Variants in OR10Z1 observed in about 807,000 individuals in gnomAD.
OR10Z1 encodes olfactory receptor family 10 subfamily Z member 1.
For missense variants in OR10Z1, 468 were observed against 371.0 expected, an observed-to-expected ratio of 1.26 and a Z score of -2.15; for synonymous variants, 187 against 151.2, an observed-to-expected ratio of 1.24 and a Z score of -1.74.
chr1:158,612,480 C>A lies in OR10Z1; in HGVS notation c.*5100C>A. 1 of 343,422 alleles carries A rather than the reference C, an allele frequency of 2.9e-6. No individual in the cohort carries two copies. The highest frequency in any genetic ancestry group is 5.6e-6 in the Non-Finnish European group (1 of 179,054). 21.3% of individuals were successfully genotyped at this position (343,422 alleles called of 1,614,324 possible). On this transcript the variant is annotated 3_prime_UTR_variant, in exon 2 of 2. Coordinates refer to ENST00000641002, the MANE Select transcript of OR10Z1 (RefSeq NM_001004478.2). ...TCCCCACTACACCTGAATTTAGGGA[C>A]TGTGTCTTACTAAAGTTTGCACTCC...
Position 158,607,130 on chromosome 1 carries a change from C to T in OR10Z1, c.692C>T (p.Ala231Val). 6.2e-7 allele frequency: 1 copy of T among 1,614,000 alleles called. No homozygotes were observed. Among genetic ancestry groups the T allele is most frequent in the Non-Finnish European group, 8.5e-7 (1 of 1,179,956 alleles). The change falls in exon 2 of 2, where the codon GCT (alanine) becomes GTT (valine). Residue 231 changes from alanine (A) to valine (V), a missense_variant. Ala to Val is a moderately conservative substitution (Grantham distance 64, BLOSUM62 0). Transcript: ENST00000641002. ...ILAAILRIPS[A>V]EGQKKAFSTC... ...GCAGCAATACTGAGGATCCCCTCTG[C>T]TGAGGGGCAGAAGAAGGCCTTCTCC...
chr1:158,606,195 T>C, intron 1 of OR10Z1, 131 bp from the exon 2 acceptor site: 1 of 486,282 alleles, frequency 2.1e-6, no homozygotes, highest in Non-Finnish European at 3.6e-6. Context: ...TATGAATGTC[T>C]GTGATTGTGC....
chr1:158,606,930 C>T lies in OR10Z1; in HGVS notation c.492C>T (p.Phe164=). Residue 164 remains phenylalanine, a synonymous_variant, in exon 2 of 2, where the codon TTC becomes TTT. Transcript: ENST00000641002. ...GACTGGGAATGACACTAGTTATTTT[C>T]CACCTCTCATTCTGCAGCTCCCATG... ...LFGLGMTLVI[F]HLSFCSSHEI... is the part of the protein sequence containing the mutation. The T allele has an allele frequency of 1.2e-6, 2 of 1,614,010 alleles. No individual in the cohort carries two copies. The highest frequency in any genetic ancestry group is 1.7e-5 in the Admixed American group (1 of 59,984).
rs1649080146 is a variant in OR10Z1, at chr1:158,607,179, G to T, written c.741G>T (p.Val247=). ...CCACTTGTGCCTCGCACCTTACAGT[G>T]GTCATTATTCATTATGGCTGTGCTT... ...AFSTCASHLT[V]VIIHYGCASF... Residue 247 remains valine (V), a synonymous_variant, in exon 2 of 2, where the codon GTG becomes GTT. Transcript: ENST00000641002. The T allele has an allele frequency of 3.1e-6, 5 of 1,614,034 alleles. No homozygotes were observed. Among genetic ancestry groups the T allele is most frequent in the East Asian group, 2.2e-5 (1 of 44,870 alleles).
Position 158,607,358 on chromosome 1 carries a change from G to A in OR10Z1, c.920G>A (p.Gly307Glu). 6.2e-7 allele frequency: 1 copy of A among 1,612,858 alleles called. No individual in the cohort carries two copies. The highest frequency in any genetic ancestry group is 8.5e-7 in the Non-Finnish European group (1 of 1,179,170). Reference sequence around the variant, plus strand: ...ACAGCTCTGAGGAATGCTTTCAGAGGGAGATTGCTGGGTAAAGGATGAAGG... The same window carrying A: ...ACAGCTCTGAGGAATGCTTTCAGAGAGAGATTGCTGGGTAAAGGATGAAGG... ...IQTALRNAFR[G>E]RLLGKG The change falls in exon 2 of 2, where the codon GGG (glycine) becomes GAG (glutamate). Residue 307 changes from glycine (G) to glutamate (E), a missense_variant. Gly to Glu is a moderately conservative substitution (Grantham distance 98). Transcript: ENST00000641002.
rs1032941721 is a variant in OR10Z1, at chr1:158,608,440, C to T, written c.*1060C>T. The T allele has an allele frequency of 2.5e-5, 3 of 119,390 alleles. No homozygotes were observed. Among genetic ancestry groups the T allele is most frequent in the African/African-American group, 1.0e-4 (3 of 30,024 alleles). 7.4% of individuals were successfully genotyped at this position (119,390 alleles called of 1,614,324 possible). A position where few individuals can be genotyped will look rare whatever the true frequency, so the allele number is the denominator to read the frequency against. ...GTTATTTAACATTTTTTTCAGCTTC[C>T]GAGTCTTATCTTTACAATGGTTGGT... On this transcript the variant is annotated 3_prime_UTR_variant, in exon 2 of 2. Coordinates refer to ENST00000641002, the MANE Select transcript of OR10Z1 (RefSeq NM_001004478.2).
rs1649185825 is a variant in OR10Z1, at chr1:158,610,456, T to A, written c.*3076T>A. ...CCTCTTCTTTTTTTAAAATTAATTCTTAATTTTATAAATAATTCTATTAAC... is the reference window on the plus strand; with the variant it reads ...CCTCTTCTTTTTTTAAAATTAATTCATAATTTTATAAATAATTCTATTAAC... On this transcript the variant is annotated 3_prime_UTR_variant, in exon 2 of 2. Transcript: ENST00000641002. 1 of 152,168 alleles carries A rather than the reference T, an allele frequency of 6.6e-6. No individual in the cohort carries two copies. Among genetic ancestry groups the A allele is most frequent in the African/African-American group, 2.4e-5 (1 of 41,462 alleles). The allele number at this position is 152,168 out of a possible 1,614,324, so 9.4% of individuals were successfully genotyped here. A position where few individuals can be genotyped will look rare whatever the true frequency, so the allele number is the denominator to read the frequency against.
chr1:158,606,469 G>T lies in OR10Z1; in HGVS notation c.31G>T (p.Asp11Tyr), dbSNP rs372814000. MGQTNVTSWR[D>Y]FVFLGFSSSG... is the part of the protein sequence containing the mutation. Reference sequence around the variant, plus strand: ...GCAGACCAACGTAACCTCCTGGAGGGATTTTGTCTTCCTGGGCTTCTCCAG... The same window carrying T: ...GCAGACCAACGTAACCTCCTGGAGGTATTTTGTCTTCCTGGGCTTCTCCAG... Residue 11 changes from aspartate (D) to tyrosine (Y), a missense_variant, in exon 2 of 2, where the codon GAT becomes TAT. Coordinates refer to ENST00000641002, the MANE Select transcript of OR10Z1 (RefSeq NM_001004478.2). The T allele has an allele frequency of 6.2e-7, 1 of 1,613,652 alleles. No homozygotes were observed. The highest frequency in any genetic ancestry group is 8.5e-7 in the Non-Finnish European group (1 of 1,179,778).
chr1:158,609,744 C>A lies in OR10Z1; in HGVS notation c.*2364C>A, dbSNP rs896796724. On this transcript the variant is annotated 3_prime_UTR_variant, in exon 2 of 2. Transcript: ENST00000641002. The stretch of plus-strand genomic sequence containing the variant: ...TTTCCTCTCTTGATTAAGTATGTGA[C>A]TACGCGCTTAGAAAGGGCAAACTCT... The A allele has an allele frequency of 3.3e-5, 5 of 152,146 alleles. No homozygotes were observed. The East Asian group carries it at 9.6e-4, about 29-fold the overall frequency. 9.4% of individuals were successfully genotyped at this position (152,146 alleles called of 1,614,324 possible). A position where few individuals can be genotyped will look rare whatever the true frequency, so the allele number is the denominator to read the frequency against.
chr1:158,611,163 AC>A lies in OR10Z1; in HGVS notation c.*3784del, dbSNP rs1557915699. 3.8e-5 allele frequency: 53 copies of A among 1,388,304 alleles called. No individual in the cohort carries two copies. In the Admixed American group the frequency reaches 4.0e-4, roughly 10 times the overall value. 86.0% of individuals were successfully genotyped at this position (1,388,304 alleles called of 1,614,324 possible). A position where few individuals can be genotyped will look rare whatever the true frequency, so the allele number is the denominator to read the frequency against. The stretch of plus-strand genomic sequence containing the variant: ...CACACACACACACACACACACACAC[AC>A]ACGAGGCCATCTTTATCTTCCACAT... On this transcript the variant is annotated 3_prime_UTR_variant, in exon 2 of 2. Coordinates refer to ENST00000641002, the MANE Select transcript of OR10Z1 (RefSeq NM_001004478.2).
Position 158,607,095 on chromosome 1 carries a change from C to T in OR10Z1, c.657C>T (p.Ala219=), listed in dbSNP as rs769108533. ...VSFFFITISY[A]YILAAILRIP... ...TCTTCTTCATCACCATCTCCTACGC[C>T]TACATCTTGGCAGCAATACTGAGGA... Residue 219 remains alanine (A), a synonymous_variant, in exon 2 of 2, where the codon GCC becomes GCT. Coordinates refer to ENST00000641002, the MANE Select transcript of OR10Z1 (RefSeq NM_001004478.2). 1 of 1,614,014 alleles carries T rather than the reference C, an allele frequency of 6.2e-7. No individual in the cohort carries two copies. Among genetic ancestry groups the T allele is most frequent in the South Asian group, 1.1e-5 (1 of 91,072 alleles).
At chr1:158,605,514 C>T (rs1318999640) in intron 1 of OR10Z1, 113 bp downstream of exon 1, 2 of 152,410 alleles carry the variant, frequency 1.3e-5, no homozygotes, top group Admixed American at 6.5e-5. Flanking sequence ...GCCTTGAGCC[C>T]TGACATTTTC....
rs374939107 is a variant in OR10Z1, at chr1:158,608,892, G to A, written c.*1512G>A. ...TCAGACATGGTCCTTTTGTCTATAG[G>A]AGATAAGGCACAGTAAAACGTTGAA... On this transcript the variant is annotated 3_prime_UTR_variant, in exon 2 of 2. Coordinates refer to ENST00000641002, the MANE Select transcript of OR10Z1 (RefSeq NM_001004478.2). 10 of 152,236 alleles carry A rather than the reference G, an allele frequency of 6.6e-5. No homozygotes were observed. The highest frequency in any genetic ancestry group is 7.2e-5 in the African/African-American group (3 of 41,550). The allele number at this position is 152,236 out of a possible 1,614,324, so 9.4% of individuals were successfully genotyped here.
rs1295183757 is a variant in OR10Z1 at position 158,606,649 on chromosome 1, A to T, written c.211A>T (p.Thr71Ser). 6.2e-7 allele frequency: 1 copy of T among 1,613,794 alleles called. No individual in the cohort carries two copies. The highest frequency in any genetic ancestry group is 1.7e-4 in the Middle Eastern group (1 of 6,058). Residue 71 changes from threonine (T) to serine (S), a missense_variant, in exon 2 of 2, where the codon ACC becomes TCC. By Grantham distance (58) the Thr-to-Ser change is moderately conservative (BLOSUM62 1). Transcript: ENST00000641002. The part of the protein sequence containing the change: ...LFLSFLSFSE[T>S]CYTLGIIPRM... Reference sequence around the variant, plus strand: ...CCTTTCCTTCCTATCCTTCTCTGAGACCTGCTACACTTTGGGCATCATCCC... The same window carrying T: ...CCTTTCCTTCCTATCCTTCTCTGAGTCCTGCTACACTTTGGGCATCATCCC...
In OR10Z1 at chr1:158,611,228, C is replaced by A; in HGVS notation, c.*3848C>A. 6.2e-7 allele frequency: 1 copy of A among 1,611,132 alleles called. No individual in the cohort carries two copies. The highest frequency in any genetic ancestry group is 8.5e-7 in the Non-Finnish European group (1 of 1,178,186). On this transcript the variant is annotated 3_prime_UTR_variant, in exon 2 of 2. Coordinates refer to ENST00000641002, the MANE Select transcript of OR10Z1 (RefSeq NM_001004478.2). ...TTGCCCCCCAGTAAATTTCCCACGA[C>A]ACTAAGATTTTCTACGATCCACGAG...
chr1:158,605,606 G>T (rs1280882294), intron 1 of OR10Z1, among the ~76,000 whole-genome samples: 2 of 152,188 alleles, frequency 1.3e-5, no homozygotes, highest in Admixed American at 6.5e-5. Context: ...AAATGGCTTG[G>T]AAGAGGGGTT....
At position 158,610,269 on chromosome 1, in the gene OR10Z1, A is replaced by T. The variant is rs1277596167; in HGVS notation, c.*2889A>T. On this transcript the variant is annotated 3_prime_UTR_variant, in exon 2 of 2. Transcript: ENST00000641002. ...AACATGAATGGATTGGTAAGTGGGG[A>T]CTATTTGTGCAGAACGCTAGCAGTT... is the stretch of plus-strand genomic sequence containing the variant. 1.3e-5 allele frequency: 2 copies of T among 152,126 alleles called. No homozygotes were observed. Among genetic ancestry groups the T allele is most frequent in the African/African-American group, 2.4e-5 (1 of 41,434 alleles). 9.4% of individuals were successfully genotyped at this position (152,126 alleles called of 1,614,324 possible). A position where few individuals can be genotyped will look rare whatever the true frequency, so the allele number is the denominator to read the frequency against.
chr1:158,606,816 C>G lies in OR10Z1; in HGVS notation c.378C>G (p.Ile126Met). The part of the protein sequence containing the change: ...AAMGFDRYVA[I>M]CAPLHYASHM... ...TGGGCTTTGACAGATATGTGGCCATCTGTGCTCCACTCCACTATGCCAGCC... is the reference window on the plus strand; with the variant it reads ...TGGGCTTTGACAGATATGTGGCCATGTGTGCTCCACTCCACTATGCCAGCC... The change falls in exon 2 of 2, where the codon ATC (isoleucine) becomes ATG (methionine). Residue 126 changes from isoleucine to methionine, a missense_variant. Coordinates refer to ENST00000641002, the MANE Select transcript of OR10Z1 (RefSeq NM_001004478.2). 5 of 1,614,026 alleles carry G rather than the reference C, an allele frequency of 3.1e-6. No individual in the cohort carries two copies. Among genetic ancestry groups the G allele is most frequent in the Non-Finnish European group, 4.2e-6 (5 of 1,179,990 alleles).
At position 158,609,315 on chromosome 1, in the gene OR10Z1, G is replaced by A. The variant is rs1649142658; in HGVS notation, c.*1935G>A. The A allele has an allele frequency of 6.6e-6, 1 of 152,124 alleles. No individual in the cohort carries two copies. The highest frequency in any genetic ancestry group is 2.1e-4 in the South Asian group (1 of 4,820). The allele number at this position is 152,124 out of a possible 1,614,324, so 9.4% of individuals were successfully genotyped here. ...AAGCTAGAGCTCAGAGAAGAGAACA[G>A]GATGAAGACAAGTAGATGAGTTAGT... On this transcript the variant is annotated 3_prime_UTR_variant, in exon 2 of 2. Coordinates refer to ENST00000641002, the MANE Select transcript of OR10Z1 (RefSeq NM_001004478.2).
Sources: gnomAD v4.1 joint callset for allele counts (sites outside exome capture counted in the v4.1 genomes callset) on GRCh38, gnomAD v4.1.1 for gene constraint, MANE v1.5 for transcripts, NCBI Gene and HGNC (gene_info 2026-07-23, HGNC 2026-07-21) for gene names.